The following RGS9 variants were observed in gnomAD, a reference collection of about 807,000 sequenced individuals.
RGS9 encodes regulator of G-protein signalling 9.
Under a neutral mutation model 102.0 loss-of-function variants are expected in RGS9, and 78 were observed. The ratio of observed to expected loss-of-function variants is 0.76; its 90% CI spans 0.64 to 0.92. RGS9 has a LOEUF of 0.92. Ranked by LOEUF, RGS9 falls within the 40% of genes least tolerant of loss-of-function variation. The pLI, the probability that RGS9 is intolerant of heterozygous loss-of-function variation, is 0.00. For missense variants in RGS9, 833 were observed against 866.1 expected (o/e 0.96, Z 0.48); for synonymous variants, 353 against 318.6 (o/e 1.11, Z -1.15).
chr17:65,149,854 G>C (rs909474020), intron 1 of RGS9, among the ~76,000 whole-genome samples: 22 of 152,330 alleles, frequency 1.4e-4, no homozygotes, highest in African/African-American at 5.1e-4. Context: ...GAGGTTAAGT[G>C]AGTTGCCCAA....
At position 65,168,330 on chromosome 17, in the gene RGS9, C is replaced by T. The variant is rs1232968473; in HGVS notation, c.582+49C>T. 4 of 1,314,180 alleles carry T rather than the reference C, an allele frequency of 3.0e-6. No individual in the cohort carries two copies. The African/African-American group carries it at 4.4e-5, about 14-fold the overall frequency. 81.4% of individuals were successfully genotyped at this position (1,314,180 alleles called of 1,614,324 possible). The stretch of plus-strand genomic sequence containing the variant: ...CCTCTGTCTCTTCCTGTGCCTCCCA[C>T]CTCCATCCTGTGCTCTCCATACCTG... On this transcript the variant is annotated intron_variant, in intron 8 of 18. Coordinates refer to ENST00000262406, the MANE Select transcript of RGS9 (RefSeq NM_003835.4).
intron 16 of RGS9, among the ~76,000 whole-genome samples, chr17:65,208,694 G>A (rs947225599): frequency 3.3e-5 from 5 of 152,278 alleles, no homozygotes; most frequent in Non-Finnish European, 7.4e-5. Context: ...TTTGGCAGAG[G>A]TTTTTCCACT....
At chr17:65,225,759 C>T (rs1005263166) in intron 18 of RGS9, among the ~76,000 whole-genome samples, 5 of 152,142 alleles carry the variant, frequency 3.3e-5, no homozygotes, top group Non-Finnish European at 7.4e-5. Context: ...TATGTTCTTC[C>T]ACTCACATTG....
At chr17:65,190,980 T>A (rs1912343778) in intron 11 of RGS9, among the ~76,000 whole-genome samples, 1 of 152,198 alleles carries the variant, frequency 6.6e-6, no homozygotes, top group African/African-American at 2.4e-5. Context: ...AGTGCCTTCC[T>A]TCAATATGTT....
At chr17:65,166,770 G>T (rs1033813450) in intron 7 of RGS9, among the ~76,000 whole-genome samples, 3 of 152,190 alleles carry the variant, frequency 2.0e-5, no homozygotes, top group South Asian at 2.1e-4. Context: ...CAGGCTGGTT[G>T]TGGCCCATGC....
At chr17:65,218,299 G>A (rs1913585564) in intron 17 of RGS9, among the ~76,000 whole-genome samples, 1 of 152,224 alleles carries the variant, frequency 6.6e-6, no homozygotes, top group Non-Finnish European at 1.5e-5. Flanking sequence ...AGCAGTCATT[G>A]ACTACTTTCG....
At chr17:65,139,352 C>T (rs1910065687) in intron 1 of RGS9, among the ~76,000 whole-genome samples, 1 of 151,356 alleles carries the variant, frequency 6.6e-6, no homozygotes, top group African/African-American at 2.4e-5. Context: ...ACCTCCTTGA[C>T]CTGAAACGCT....
intron 3 of RGS9, 112 bp from the exon 4 acceptor site, chr17:65,160,121 A>T (rs1910919449): frequency 4.9e-6 from 4 of 823,944 alleles, no homozygotes; most frequent in Non-Finnish European, 8.5e-6. Context: ...CATGAGATGC[A>T]GTGCTGTTAG....
chr17:65,176,828 T>C (rs1356680329), intron 8 of RGS9, among the ~76,000 whole-genome samples: 1 of 151,268 alleles, frequency 6.6e-6, no homozygotes, highest in Non-Finnish European at 1.5e-5. Context: ...CATTCATCCA[T>C]GCATCCATCC....
intron 1 of RGS9, among the ~76,000 whole-genome samples, chr17:65,138,410 T>G (rs571711450): frequency 6.6e-6 from 1 of 152,226 alleles, no homozygotes; most frequent in Non-Finnish European, 1.5e-5. Context: ...AGTTGAATGT[T>G]TTGTGACAAG....
At chr17:65,216,591 C>T (rs187961278) in intron 17 of RGS9, among the ~76,000 whole-genome samples, 82 of 152,264 alleles carry the variant, frequency 5.4e-4, no homozygotes, top group African/African-American at 1.7e-3. Context: ...GAGCTGAGAT[C>T]GCGCCACTGC....
intron 9 of RGS9, among the ~76,000 whole-genome samples, chr17:65,178,527 A>G (rs965361599): frequency 4.0e-5 from 6 of 151,646 alleles, no homozygotes; most frequent in African/African-American, 1.5e-4. Flanking sequence ...TATTTGAGAC[A>G]GGGTCTCACT....
chr17:65,182,268 T>C (rs1445197058), intron 9 of RGS9, among the ~76,000 whole-genome samples: 2 of 152,260 alleles, frequency 1.3e-5, no homozygotes, highest in Non-Finnish European at 2.9e-5. Flanking sequence ...GGCTTCTGTG[T>C]GACCATGCCT....
chr17:65,220,629 A>C (rs1203019766), intron 17 of RGS9, among the ~76,000 whole-genome samples: 1 of 152,230 alleles, frequency 6.6e-6, no homozygotes, highest in Non-Finnish European at 1.5e-5. Context: ...TGCACACTGC[A>C]TGCTGCACCT....
chr17:65,188,805 G>A (rs750937891), intron 9 of RGS9: 1 of 178,182 alleles, frequency 5.6e-6, no homozygotes, highest in Non-Finnish European at 1.2e-5. Context: ...AGTAAAGACG[G>A]GGTTTTGTCA....
intron 8 of RGS9, among the ~76,000 whole-genome samples, chr17:65,170,221 A>G (rs1330727444): frequency 6.6e-6 from 1 of 151,790 alleles, no homozygotes; most frequent in Non-Finnish European, 1.5e-5. Context: ...TGTCCGGCTA[A>G]TTTTGGCATT....
intron 16 of RGS9, among the ~76,000 whole-genome samples, chr17:65,209,356 G>A (rs1913198525): frequency 6.6e-6 from 1 of 152,184 alleles, no homozygotes; most frequent in Non-Finnish European, 1.5e-5. Context: ...CATCCTGGTA[G>A]GGGAGCCCTT....
intron 11 of RGS9, 99 bp from the exon 12 acceptor site, chr17:65,193,444 G>A (rs533220491): frequency 3.4e-5 from 27 of 790,030 alleles, no homozygotes; most frequent in East Asian, 3.0e-4. Context: ...TCACCAAATC[G>A]ATACAGGAAA....
At chr17:65,179,643 G>C (rs1369654549) in intron 9 of RGS9, among the ~76,000 whole-genome samples, 4 of 140,852 alleles carry the variant, frequency 2.8e-5, no homozygotes, top group Non-Finnish European at 4.7e-5. Flanking sequence ...AGCTGTGTGT[G>C]TGTGTGTGTG....
Sources: gnomAD v4.1 joint callset for allele counts (sites outside exome capture counted in the v4.1 genomes callset) on GRCh38, gnomAD v4.1.1 for gene constraint, MANE v1.5 for transcripts, NCBI Gene and HGNC (gene_info 2026-07-23, HGNC 2026-07-21) for gene names.